The following PCLO variants were observed in gnomAD, a reference collection of about 807,000 sequenced individuals.
PCLO encodes the protein piccolo presynaptic cytomatrix protein, also known as protein piccolo.
In PCLO, 82 loss-of-function variants were observed where a neutral mutation model predicts 427.5. That is an observed-to-expected ratio of 0.19 (90% CI 0.16 to 0.23). PCLO has a LOEUF of 0.23. Ranked by LOEUF, PCLO falls within the 10% of genes least tolerant of loss-of-function variation. PCLO has a pLI of 1.00. For missense variants in PCLO, 6,239 were observed against 6,115.9 expected, an observed-to-expected ratio of 1.02 and a Z score of -0.67; for synonymous variants, 2,357 against 2,155.4, an observed-to-expected ratio of 1.09 and a Z score of -2.59.
chr7:82,872,155 A>T (rs184303049), intron 10 of PCLO, among the ~76,000 whole-genome samples: 1 of 152,174 alleles, frequency 6.6e-6, no homozygotes, highest in East Asian at 1.9e-4. Context: ...AAAAATAAAG[A>T]GACAGAAAAT....
intron 9 of PCLO, among the ~76,000 whole-genome samples, chr7:82,892,555 A>T (rs1793795298): frequency 6.6e-6 from 1 of 151,916 alleles, no homozygotes; most frequent in African/African-American, 2.4e-5. Flanking sequence ...AGCAATGGCA[A>T]CAAAAGCCAA....
intron 14 of PCLO, among the ~76,000 whole-genome samples, chr7:82,838,840 T>C (rs1792295457): frequency 6.6e-6 from 1 of 151,986 alleles, no homozygotes. Context: ...AATACACAGA[T>C]TATTACTTTT....
rs1233736188 is a variant in PCLO, at chr7:82,993,946, C to A, written c.3301-27459G>T. 2.6e-5 allele frequency among the ~76,000 whole-genome samples: 4 copies of A among 151,604 alleles called. No individual in the cohort carries two copies. The South Asian group carries it at 6.2e-4, about 24-fold the overall frequency. Reference sequence around the variant, plus strand: ...TATTTAAGAATGACAATAAACTAGGCCTTGTCATAATAAGAGAAAACTATC... The same window carrying A: ...TATTTAAGAATGACAATAAACTAGGACTTGTCATAATAAGAGAAAACTATC... On this transcript the variant is annotated intron_variant, in intron 3 of 24. Coordinates refer to ENST00000333891, the MANE Select transcript of PCLO (RefSeq NM_033026.6).
chr7:83,081,208 C>T (rs187432454), intron 3 of PCLO, among the ~76,000 whole-genome samples: 12 of 152,076 alleles, frequency 7.9e-5, no homozygotes, highest in African/African-American at 2.4e-4. Context: ...AACATACACA[C>T]ATACAAACAT....
intron 3 of PCLO, among the ~76,000 whole-genome samples, chr7:83,006,723 G>A (rs1227028723): frequency 6.6e-6 from 1 of 151,352 alleles, no homozygotes; most frequent in Non-Finnish European, 1.5e-5. Flanking sequence ...TTTATAGATG[G>A]AAATTCCTAC....
intron 3 of PCLO, among the ~76,000 whole-genome samples, chr7:83,116,700 A>G (rs1324312823): frequency 2.6e-5 from 4 of 152,162 alleles, no homozygotes; most frequent in Admixed American, 1.3e-4. Context: ...ATTATTAACT[A>G]TATCACCATG....
chr7:83,152,044 A>G (rs1461651580), intron 2 of PCLO, among the ~76,000 whole-genome samples: 1 of 151,752 alleles, frequency 6.6e-6, no homozygotes, highest in Non-Finnish European at 1.5e-5. Flanking sequence ...GGCTCACTGC[A>G]AGCTCCGCCT....
chr7:82,913,246 G>T (rs1399287037), intron 7 of PCLO, among the ~76,000 whole-genome samples: 1 of 151,834 alleles, frequency 6.6e-6, no homozygotes, highest in African/African-American at 2.4e-5. Context: ...ACAAACAAAA[G>T]CAGTTTGTCC....
intron 3 of PCLO, among the ~76,000 whole-genome samples, chr7:83,110,524 T>C (rs1390673541): frequency 6.6e-6 from 1 of 152,100 alleles, no homozygotes; most frequent in African/African-American, 2.4e-5. Flanking sequence ...CTTTCCTAAC[T>C]CTCGGGTCAT....
chr7:82,758,772 A>G, intron 24 of PCLO, 57 bp from the exon 25 acceptor site: 5 of 1,071,816 alleles, frequency 4.7e-6, no homozygotes, highest in Non-Finnish European at 6.9e-6. Flanking sequence ...ACATGTGTAT[A>G]GTTTTCAACC....
At chr7:82,834,380 T>C (rs1792173469) in intron 16 of PCLO, among the ~76,000 whole-genome samples, 1 of 152,200 alleles carries the variant, frequency 6.6e-6, no homozygotes, top group South Asian at 2.1e-4. Context: ...GTCAGTTACA[T>C]TGTTTGCCAT....
At chr7:82,837,520 G>A (rs1411345670) in intron 15 of PCLO, among the ~76,000 whole-genome samples, 3 of 151,942 alleles carry the variant, frequency 2.0e-5, no homozygotes, top group Non-Finnish European at 4.4e-5. Context: ...AATTTGTAGG[G>A]TTCAAATCAG....
At chr7:82,959,318 C>T (rs1223298368) in intron 4 of PCLO, among the ~76,000 whole-genome samples, 4 of 152,160 alleles carry the variant, frequency 2.6e-5, no homozygotes, top group African/African-American at 9.7e-5. Flanking sequence ...CCCACCTTGG[C>T]CTCCCAAAAT....
At chr7:83,020,074 C>T (rs1788304419) in intron 3 of PCLO, among the ~76,000 whole-genome samples, 1 of 151,926 alleles carries the variant, frequency 6.6e-6, no homozygotes, top group Non-Finnish European at 1.5e-5. Context: ...TTTATTAGAC[C>T]ACCGACTTAA....
intron 9 of PCLO, among the ~76,000 whole-genome samples, chr7:82,893,870 C>A (rs972446810): frequency 6.6e-6 from 1 of 151,880 alleles, no homozygotes; most frequent in African/African-American, 2.4e-5. Context: ...GAAAGAGGTA[C>A]ATTAGGCCTG....
intron 22 of PCLO, among the ~76,000 whole-genome samples, chr7:82,781,883 T>C (rs1790880345): frequency 1.3e-5 from 2 of 152,202 alleles, no homozygotes; most frequent in Non-Finnish European, 2.9e-5. Context: ...TGGAGGTTCC[T>C]GGAGGGTGGC....
At position 82,955,050 on chromosome 7, in the gene PCLO, G is replaced by A. The variant is rs748624623; in HGVS notation, c.5903C>T (p.Ser1968Leu). The A allele has an allele frequency of 3.0e-5, 49 of 1,613,500 alleles. No individual in the cohort carries two copies. Among genetic ancestry groups the A allele is most frequent in the Middle Eastern group, 1.6e-4 (1 of 6,084 alleles). ...CCTTGTTAGCAGACTGCCATCTACCGATCCATTGTACGTGTCTTCTACTAA... is the reference window on the plus strand; with the variant it reads ...CCTTGTTAGCAGACTGCCATCTACCAATCCATTGTACGTGTCTTCTACTAA... ...ESLVEDTYNG[S>L]VDGSLLTRQE... Residue 1968 changes from serine (S) to leucine (L), a missense_variant, in exon 5 of 25, where the codon TCG becomes TTG. Coordinates refer to ENST00000333891, the MANE Select transcript of PCLO (RefSeq NM_033026.6).
intron 16 of PCLO, among the ~76,000 whole-genome samples, chr7:82,828,898 G>A (rs764599829): frequency 7.9e-5 from 12 of 152,210 alleles, no homozygotes; most frequent in Middle Eastern, 3.4e-3. Flanking sequence ...CTAGAGTCCT[G>A]TAAACCAACC....
In PCLO at chr7:82,912,132, T is replaced by A. The variant is rs73171381; in HGVS notation, c.13300+2554A>T. 5.1e-3 allele frequency among the ~76,000 whole-genome samples: 779 copies of A among 152,204 alleles called. 2 individuals are homozygous for A. The highest frequency in any genetic ancestry group is 9.1e-3 in the Non-Finnish European group (622 of 67,986). ...TTTGAAAGCAATTAAATTTGTTTTG[T>A]TCACAGGATACTAAATAACCTGTAG... On this transcript the variant is annotated intron_variant, in intron 7 of 24. Coordinates refer to ENST00000333891, the MANE Select transcript of PCLO (RefSeq NM_033026.6).
Sources: gnomAD v4.1 joint callset for allele counts (sites outside exome capture counted in the v4.1 genomes callset) on GRCh38, gnomAD v4.1.1 for gene constraint, MANE v1.5 for transcripts, NCBI Gene and HGNC (gene_info 2026-07-23, HGNC 2026-07-21) for gene names.